The following XPR1 variants were observed in gnomAD, a reference collection of about 807,000 sequenced individuals.
XPR1 encodes xenotropic and polytropic retrovirus receptor 1, also known as solute carrier family 53 member 1.
XPR1 carries 28 observed loss-of-function variants against 87.5 expected under a neutral mutation model. That is an observed-to-expected ratio of 0.32 (90% CI 0.24 to 0.44). The LOEUF is 0.44. Ranked by LOEUF, XPR1 falls within the 20% of genes least tolerant of loss-of-function variation. XPR1 has a pLI of 1.00. For missense variants in XPR1, 559 were observed against 862.3 expected, an observed-to-expected ratio of 0.65 and a Z score of 4.41; for synonymous variants, 300 against 306.1, an observed-to-expected ratio of 0.98 and a Z score of 0.21.
chr1:180,706,318 G>A (rs1277484714), intron 2 of XPR1, among the ~76,000 whole-genome samples: 1 of 152,158 alleles, frequency 6.6e-6, no homozygotes, highest in Non-Finnish European at 1.5e-5. Context: ...GCAGGCTTCA[G>A]GTATGGTCCC....
intron 2 of XPR1, among the ~76,000 whole-genome samples, chr1:180,758,486 T>A (rs1002778818): frequency 6.6e-6 from 1 of 152,034 alleles, no homozygotes; most frequent in Non-Finnish European, 1.5e-5. Context: ...GGTGGGTGGA[T>A]CATTTGAGGT....
chr1:180,779,922 C>T (rs1648871106), intron 2 of XPR1, among the ~76,000 whole-genome samples: 2 of 152,070 alleles, frequency 1.3e-5, no homozygotes, highest in South Asian at 4.2e-4. Flanking sequence ...TGGATTCGTA[C>T]AACATGTGAT....
At chr1:180,779,006 G>A (rs1158483022) in intron 2 of XPR1, among the ~76,000 whole-genome samples, 2 of 152,144 alleles carry the variant, frequency 1.3e-5, no homozygotes, top group East Asian at 1.9e-4. Context: ...CCTGGTGGCA[G>A]TAACATTGTG....
At chr1:180,751,722 C>G (rs1444694720) in intron 2 of XPR1, among the ~76,000 whole-genome samples, 1 of 152,128 alleles carries the variant, frequency 6.6e-6, no homozygotes, top group African/African-American at 2.4e-5. Flanking sequence ...ATACAGGTCA[C>G]TGCCTGAAGT....
At chr1:180,794,119 C>T (rs887787972) in intron 3 of XPR1, among the ~76,000 whole-genome samples, 1 of 152,146 alleles carries the variant, frequency 6.6e-6, no homozygotes, top group South Asian at 2.1e-4. Context: ...GAGGTGATTT[C>T]ATTTTGGGAA....
intron 3 of XPR1, among the ~76,000 whole-genome samples, chr1:180,801,889 C>A (rs1649798694): frequency 1.3e-5 from 2 of 151,884 alleles, no homozygotes; most frequent in South Asian, 4.2e-4. Context: ...CTCTGCCTCC[C>A]GAATTCAAGC....
intron 1 of XPR1, among the ~76,000 whole-genome samples, chr1:180,656,368 ATT>A (rs1655472376): frequency 9.3e-6 from 1 of 107,830 alleles, no homozygotes; most frequent in Admixed American, 1.5e-4. Context: ...TATATATAAT[ATT>A]TATATATAAT....
chr1:180,706,426 T>C (rs1290101067), intron 2 of XPR1, among the ~76,000 whole-genome samples: 1 of 152,216 alleles, frequency 6.6e-6, no homozygotes, highest in African/African-American at 2.4e-5. Context: ...ATTAGAGCCA[T>C]ATGCTCCCTT....
chr1:180,751,181 T>G (rs968390931), intron 2 of XPR1, among the ~76,000 whole-genome samples: 1 of 152,050 alleles, frequency 6.6e-6, no homozygotes, highest in African/African-American at 2.4e-5. Flanking sequence ...ACATAATATG[T>G]TATATTGCCT....
chr1:180,664,955 G>T (rs1655909509), intron 1 of XPR1, among the ~76,000 whole-genome samples: 1 of 152,186 alleles, frequency 6.6e-6, no homozygotes, highest in South Asian at 2.1e-4. Context: ...TGCTGCCGCT[G>T]ATCTGATAGG....
intron 3 of XPR1, among the ~76,000 whole-genome samples, chr1:180,799,953 G>A (rs1458287588): frequency 6.6e-6 from 1 of 152,200 alleles, no homozygotes; most frequent in Non-Finnish European, 1.5e-5. Flanking sequence ...AGAGGATGTG[G>A]TAGGTATCCT....
Position 180,632,102 on chromosome 1 carries a change from C to A in XPR1, c.-100C>A, listed in dbSNP as rs1654600849. On this transcript the variant is annotated 5_prime_UTR_variant, in exon 1 of 15. Transcript: ENST00000367590. ...GCGGAGGAGGAGAGAAGCGCAGCGC[C>A]GCGCCGCGCCGGGGCCCATGTGGGG... 2 of 1,414,672 alleles carry A rather than the reference C, an allele frequency of 1.4e-6. No homozygotes were observed. The highest frequency in any genetic ancestry group is 2.5e-5 in the South Asian group (2 of 81,378). The allele number at this position is 1,414,672 out of a possible 1,614,324, so 87.6% of individuals were successfully genotyped here.
chr1:180,858,963 A>G (rs974304103), intron 11 of XPR1, among the ~76,000 whole-genome samples: 1 of 76,326 alleles, frequency 1.3e-5, no homozygotes, highest in Admixed American at 1.4e-4. Context: ...TAGATCCAGG[A>G]TTTGCTAGAT....
At chr1:180,643,775 T>A (rs976376110) in intron 1 of XPR1, among the ~76,000 whole-genome samples, 7 of 152,090 alleles carry the variant, frequency 4.6e-5, no homozygotes, top group Admixed American at 6.6e-5. Flanking sequence ...GGAAGAGGGT[T>A]GAAGAAGAAG....
intron 2 of XPR1, among the ~76,000 whole-genome samples, chr1:180,773,978 A>T (rs903984191): frequency 2.0e-5 from 3 of 152,218 alleles, no homozygotes; most frequent in African/African-American, 4.8e-5. Flanking sequence ...GCATTTTCAT[A>T]GTCAGTTGTT....
chr1:180,816,927 G>A (rs1650431524), intron 7 of XPR1, among the ~76,000 whole-genome samples: 4 of 152,166 alleles, frequency 2.6e-5, no homozygotes, highest in Admixed American at 2.6e-4. Flanking sequence ...CCAGAAGAAG[G>A]CATTAATAGA....
intron 9 of XPR1, among the ~76,000 whole-genome samples, chr1:180,831,362 C>CTTTTTTT (rs753235095): frequency 3.5e-5 from 4 of 115,488 alleles, no homozygotes; most frequent in Non-Finnish European, 7.4e-5. Context: ...TTTTCTTTTT[C>CTTTTTTT]TTTTTTTTTT....
chr1:180,670,695 G>A (rs1656139384), intron 1 of XPR1, among the ~76,000 whole-genome samples: 1 of 152,106 alleles, frequency 6.6e-6, no homozygotes, highest in Admixed American at 6.5e-5. Flanking sequence ...TATCTTTATT[G>A]AGAACTTTTA....
chr1:180,845,730 C>A (rs1356965778), intron 11 of XPR1, among the ~76,000 whole-genome samples: 2 of 139,044 alleles, frequency 1.4e-5, no homozygotes, highest in Non-Finnish European at 3.1e-5. Flanking sequence ...CTACTGTTGC[C>A]CAGGCTAGTC....
Sources: gnomAD v4.1 joint callset for allele counts (sites outside exome capture counted in the v4.1 genomes callset) on GRCh38, gnomAD v4.1.1 for gene constraint, MANE v1.5 for transcripts, NCBI Gene and HGNC (gene_info 2026-07-23, HGNC 2026-07-21) for gene names.